The following SENP2 variants were observed in gnomAD, a reference collection of about 807,000 sequenced individuals.
SENP2 encodes the protein sentrin-specific protease 2.
In SENP2, 16 loss-of-function variants were observed where a neutral mutation model predicts 86.3. The ratio of observed to expected loss-of-function variants is 0.19; its 90% CI spans 0.13 to 0.28. The LOEUF is 0.28. SENP2 is among the 10% of genes least tolerant of loss of function. The pLI, the probability that SENP2 is intolerant of heterozygous loss-of-function variation, is 1.00. For missense variants in SENP2, 552 were observed against 703.0 expected (o/e 0.79, Z 2.43); for synonymous variants, 222 against 238.7 (o/e 0.93, Z 0.64).
intron 2 of SENP2, among the ~76,000 whole-genome samples, chr3:185,595,030 C>T (rs1420019403): frequency 1.3e-5 from 2 of 152,088 alleles, no homozygotes; most frequent in Admixed American, 1.3e-4. Flanking sequence ...GGCTCAGGCT[C>T]ATGACCTTAA....
chr3:185,620,506 G>A (rs554700330), intron 13 of SENP2, among the ~76,000 whole-genome samples: 2 of 152,114 alleles, frequency 1.3e-5, no homozygotes, highest in Admixed American at 1.3e-4. Flanking sequence ...GCAATGGCAC[G>A]ATCTCGGCTC....
intron 2 of SENP2, among the ~76,000 whole-genome samples, chr3:185,595,796 GA>G (rs1185321252): frequency 6.1e-5 from 9 of 147,674 alleles, no homozygotes; most frequent in African/African-American, 1.2e-4. Flanking sequence ...GTGAGCCTGA[GA>G]TTTTTTTTTT....
In SENP2 at chr3:185,586,562, C is replaced by A. The variant is rs760589831; in HGVS notation, c.101+48C>A. ...GCCAGCCTGGCCTTACCCCCTCCCCCACAGCGGGCTCCTCGGCCGTGATAG... is the reference window on the plus strand; with the variant it reads ...GCCAGCCTGGCCTTACCCCCTCCCCAACAGCGGGCTCCTCGGCCGTGATAG... On this transcript the variant is annotated intron_variant, in intron 1 of 16. Coordinates refer to ENST00000296257, the MANE Select transcript of SENP2 (RefSeq NM_021627.3). This position sits in a 1 kb window ranked among gnomAD's most constrained non-coding sequence, Gnocchi z 4.3. 1.2e-5 allele frequency: 18 copies of A among 1,546,808 alleles called. No individual in the cohort carries two copies. Among genetic ancestry groups the A allele is most frequent in the African/African-American group, 1.1e-4 (8 of 73,732 alleles).
intron 11 of SENP2, among the ~76,000 whole-genome samples, chr3:185,616,636 G>A (rs975295379): frequency 1.1e-4 from 16 of 152,016 alleles, no homozygotes; most frequent in Non-Finnish European, 1.8e-4. Context: ...TTAGCCGGGC[G>A]TGGTGGCGGG....
At chr3:185,614,282 A>G (rs528053242) in intron 10 of SENP2, among the ~76,000 whole-genome samples, 1 of 152,264 alleles carries the variant, frequency 6.6e-6, no homozygotes, top group East Asian at 1.9e-4. Flanking sequence ...ACTAATTTTA[A>G]TTGTGATAGG....
intron 2 of SENP2, 68 bp from the exon 3 acceptor site, chr3:185,598,344 A>G: frequency 6.7e-7 from 1 of 1,503,484 alleles, no homozygotes; most frequent in Admixed American, 1.9e-5. Flanking sequence ...GGCTCTTTCC[A>G]AGATATCATT....
chr3:185,610,463 A>G (rs771242970), intron 7 of SENP2, among the ~76,000 whole-genome samples: 13 of 151,778 alleles, frequency 8.6e-5, no homozygotes, highest in Non-Finnish European at 1.5e-4. Context: ...CACCCGGCCT[A>G]CTATCTAGCT....
At chr3:185,603,203 C>A (rs547990754) in intron 5 of SENP2, among the ~76,000 whole-genome samples, 1 of 152,258 alleles carries the variant, frequency 6.6e-6, no homozygotes, top group Non-Finnish European at 1.5e-5. Flanking sequence ...TGAGCCACCA[C>A]GCCCAGCCCA....
chr3:185,598,215 A>C (rs1244695842), intron 2 of SENP2, among the ~76,000 whole-genome samples, 197 bp from the exon 3 acceptor site: 1 of 151,896 alleles, frequency 6.6e-6, no homozygotes, highest in African/African-American at 2.4e-5. Context: ...ATGGTGGCCC[A>C]AGCTGGTCTC....
chr3:185,624,150 GCTCCCTTCCTGCCCTTC>G, intron 15 of SENP2, 68 bp downstream of exon 15: 1 of 1,078,124 alleles, frequency 9.3e-7, no homozygotes, highest in Non-Finnish European at 1.4e-6. Context: ...TCTAGATTTG[GCTCCCTTCCTGCCCTTC>G]CTCCCTCCCT....
Position 185,611,640 on chromosome 3 carries a change from G to A in SENP2, c.723-11G>A, listed in dbSNP as rs889627196. ...TTGTATCTGATCTCCCTCACTTTTT[G>A]TGTTTCTAAGTTCTCAAAGAAGTCA... On this transcript the variant is annotated splice_polypyrimidine_tract_variant and intron_variant, in intron 7 of 16. Transcript: ENST00000296257. 1 of 1,592,396 alleles carries A rather than the reference G, an allele frequency of 6.3e-7. No homozygotes were observed. The highest frequency in any genetic ancestry group is 8.6e-7 in the Non-Finnish European group (1 of 1,163,092).
rs1387415546 is a variant in SENP2, at chr3:185,630,700, C to T, written c.*856C>T. On this transcript the variant is annotated 3_prime_UTR_variant, in exon 17 of 17. Coordinates refer to ENST00000296257, the MANE Select transcript of SENP2 (RefSeq NM_021627.3). ...GTAAACCCTAAATCTTCATTTTCATCCCAGATCTGGTTGAGTATAAACCTC... is the reference window on the plus strand; with the variant it reads ...GTAAACCCTAAATCTTCATTTTCATTCCAGATCTGGTTGAGTATAAACCTC... The T allele has an allele frequency of 6.6e-6, 1 of 152,578 alleles. No individual in the cohort carries two copies. The highest frequency in any genetic ancestry group is 1.5e-5 in the Non-Finnish European group (1 of 68,034). The allele number at this position is 152,578 out of a possible 1,614,324, so 9.5% of individuals were successfully genotyped here.
Position 185,630,228 on chromosome 3 carries a change from G to A in SENP2, c.*384G>A, listed in dbSNP as rs1482333701. On this transcript the variant is annotated 3_prime_UTR_variant, in exon 17 of 17. Transcript: ENST00000296257. The stretch of plus-strand genomic sequence containing the variant: ...CACTCGTTTGCAAACATAATGGGCA[G>A]TGGTCATTTACTGCTGCTCTTTTAC... The A allele has an allele frequency of 2.2e-5, 4 of 178,954 alleles. No homozygotes were observed. The highest frequency in any genetic ancestry group is 3.6e-5 in the Non-Finnish European group (3 of 82,394). The allele number at this position is 178,954 out of a possible 1,614,324, so 11.1% of individuals were successfully genotyped here.
chr3:185,613,918 T>G (rs971791854), intron 10 of SENP2, among the ~76,000 whole-genome samples: 1 of 151,160 alleles, frequency 6.6e-6, no homozygotes, highest in African/African-American at 2.4e-5. Flanking sequence ...CTCTGTACAG[T>G]AGCCACCTTT....
intron 2 of SENP2, among the ~76,000 whole-genome samples, chr3:185,590,637 G>T (rs1363580839): frequency 2.1e-5 from 3 of 141,728 alleles, no homozygotes; most frequent in Non-Finnish European, 4.6e-5. Flanking sequence ...AGGCTGAGGT[G>T]GGAGGATCAC....
In SENP2 at chr3:185,624,560, A is replaced by G. The variant is rs1712051567; in HGVS notation, c.1611+478A>G. ...TTTAAGTCTTAGGATCCCATGCCAA[A>G]AAAAGCATTTTAATTTCTAAACTGA... On this transcript the variant is annotated intron_variant, in intron 15 of 16. Coordinates refer to ENST00000296257, the MANE Select transcript of SENP2 (RefSeq NM_021627.3). Among the ~76,000 whole-genome samples, 3 of 152,252 alleles carry G rather than the reference A, an allele frequency of 2.0e-5. No homozygotes were observed. In the South Asian group the frequency reaches 6.2e-4, roughly 32 times the overall value.
intron 14 of SENP2, among the ~76,000 whole-genome samples, chr3:185,622,931 C>T (rs752419492): frequency 8.0e-5 from 12 of 149,700 alleles, no homozygotes; most frequent in Non-Finnish European, 1.6e-4. Context: ...ATGCTCGTTC[C>T]TCGGCCTCCC....
At chr3:185,608,301 T>G (rs936260016) in intron 6 of SENP2, among the ~76,000 whole-genome samples, 31 of 152,198 alleles carry the variant, frequency 2.0e-4, no homozygotes, top group African/African-American at 7.5e-4. Context: ...ACTGAGCCAG[T>G]ATCTACAGGG....
intron 16 of SENP2, 125 bp from the exon 17 acceptor site, chr3:185,629,657 G>GTAAA: frequency 1.2e-6 from 1 of 858,736 alleles, no homozygotes; most frequent in Non-Finnish European, 1.9e-6. Context: ...GTTCCATGAT[G>GTAAA]TAAAAATGTC....
Sources: gnomAD v4.1 joint callset for allele counts (sites outside exome capture counted in the v4.1 genomes callset) on GRCh38, gnomAD v4.1.1 for gene constraint, Gnocchi (gnomAD v3.1) non-coding constraint, MANE v1.5 for transcripts, NCBI Gene and HGNC (gene_info 2026-07-23, HGNC 2026-07-21) for gene names.